Variants in UGT1A9 observed in about 807,000 individuals in gnomAD.
The protein encoded by UGT1A9 is UDP-glucuronosyltransferase 1A9.
Under a neutral mutation model 45.0 loss-of-function variants are expected in UGT1A9, and 35 were observed. That is an observed-to-expected ratio of 0.78 (90% CI 0.59 to 1.03). The LOEUF (loss-of-function observed/expected upper bound fraction) is 1.03, where lower values mean the gene tolerates loss of function less well. Ranked by LOEUF, UGT1A9 falls within the 50% of genes least tolerant of loss-of-function variation. UGT1A9 has a pLI of 0.00. For synonymous variants in UGT1A9, 278 were observed against 250.6 expected (o/e 1.11, Z -1.03); for missense variants, 687 against 666.6 (o/e 1.03, Z -0.34).
At chr2:233,752,428 G>C (rs538581016) in intron 1 of UGT1A9, 1 of 152,028 alleles carries the variant, frequency 6.6e-6, no homozygotes, top group African/African-American at 2.4e-5. Context: ...CTGATTTATC[G>C]AACCCTTTTA....
At chr2:233,693,730 T>C (rs1275166872) in intron 1 of UGT1A9, 1 of 1,614,242 alleles carries the variant, frequency 6.2e-7, no homozygotes, top group Admixed American at 1.7e-5. Flanking sequence ...GAGATGTGGA[T>C]ATAATCACCT....
intron 1 of UGT1A9, among the ~76,000 whole-genome samples, chr2:233,727,486 G>T (rs2077620182): frequency 6.6e-6 from 1 of 152,192 alleles, no homozygotes; most frequent in Non-Finnish European, 1.5e-5. Flanking sequence ...ACTACTTGGA[G>T]GTAGAACATG....
intron 1 of UGT1A9, among the ~76,000 whole-genome samples, chr2:233,702,442 T>C (rs2125589927): frequency 6.6e-6 from 1 of 152,304 alleles, no homozygotes; most frequent in Non-Finnish European, 1.5e-5. Context: ...CTAATAAGGA[T>C]AACATTTATT....
At chr2:233,674,238 A>G (rs1173538575) in intron 1 of UGT1A9, among the ~76,000 whole-genome samples, 1 of 152,166 alleles carries the variant, frequency 6.6e-6, no homozygotes, top group Non-Finnish European at 1.5e-5. Context: ...AAGTGAAATA[A>G]TGCTCTTTCT....
intron 1 of UGT1A9, among the ~76,000 whole-genome samples, chr2:233,746,316 G>A (rs1048806578): frequency 1.3e-5 from 2 of 151,828 alleles, no homozygotes; most frequent in Non-Finnish European, 2.9e-5. Flanking sequence ...GGGCCCTGTA[G>A]ATGATCTACA....
In UGT1A9 at chr2:233,772,609, C is replaced by T; in HGVS notation, c.*50C>T. On this transcript the variant is annotated 3_prime_UTR_variant, in exon 5 of 5. Transcript: ENST00000354728. The stretch of plus-strand genomic sequence containing the variant: ...ATTTTGAACCATTCCCTAGTCATTT[C>T]CAAACTTGAAAACAGAATCAGTGTT... 1 of 1,581,700 alleles carries T rather than the reference C, an allele frequency of 6.3e-7. No homozygotes were observed. Among genetic ancestry groups the T allele is most frequent in the Non-Finnish European group, 8.6e-7 (1 of 1,163,020 alleles).
chr2:233,747,484 G>C (rs796155377), intron 1 of UGT1A9: 4 of 1,608,658 alleles, frequency 2.5e-6, no homozygotes, highest in Middle Eastern at 1.7e-4. Flanking sequence ...GAATTTGATC[G>C]CCTTGTGCTG....
At chr2:233,768,775 G>A (rs577472067) in intron 4 of UGT1A9, among the ~76,000 whole-genome samples, 18 of 151,802 alleles carry the variant, frequency 1.2e-4, no homozygotes, top group Admixed American at 9.2e-4. Flanking sequence ...GTAGAGAAAG[G>A]GTTTCACCAT....
At chr2:233,761,128 C>T in intron 1 of UGT1A9, 1 of 1,614,190 alleles carries the variant, frequency 6.2e-7, no homozygotes, top group Non-Finnish European at 8.5e-7. Context: ...AATCAACTGC[C>T]TTCACCAAAA....
chr2:233,711,464 C>G (rs2076182225), intron 1 of UGT1A9, among the ~76,000 whole-genome samples: 1 of 152,182 alleles, frequency 6.6e-6, no homozygotes, highest in South Asian at 2.1e-4. Context: ...AGGAATAGTT[C>G]AGAGGCTGAG....
intron 1 of UGT1A9, among the ~76,000 whole-genome samples, chr2:233,746,215 A>C (rs1693328060): frequency 6.6e-6 from 1 of 151,878 alleles, no homozygotes; most frequent in South Asian, 2.1e-4. Flanking sequence ...CTCTAATAGC[A>C]AGGACAGATA....
intron 1 of UGT1A9, among the ~76,000 whole-genome samples, chr2:233,720,075 T>G (rs1197503417): frequency 1.3e-5 from 2 of 152,302 alleles, no homozygotes; most frequent in Middle Eastern, 3.4e-3. Context: ...ATTAGAATTG[T>G]GGACATGATA....
At chr2:233,721,692 C>T (rs77600287) in intron 1 of UGT1A9, 13,894 of 352,288 alleles carry the variant, frequency 0.039, 386 homozygotes, top group Non-Finnish European at 0.058. Context: ...CTCTGCAAGA[C>T]GCATGGCTCA....
chr2:233,729,482 A>G (rs2077866923), intron 1 of UGT1A9: 1 of 1,614,098 alleles, frequency 6.2e-7, no homozygotes, highest in Non-Finnish European at 8.5e-7. Flanking sequence ...ATGTTGAACA[A>G]TATGTCTTTG....
Position 233,755,239 on chromosome 2 carries a change from G to A in UGT1A9, c.856-11795G>A, listed in dbSNP as rs1377553031. On this transcript the variant is annotated intron_variant, in intron 1 of 4. Transcript: ENST00000354728. Reference sequence around the variant, plus strand: ...ATACCCTCGGACGAGGCCTACCGGGGTACTCCCAGCACCTCGTAGTAGTCC... The same window carrying A: ...ATACCCTCGGACGAGGCCTACCGGGATACTCCCAGCACCTCGTAGTAGTCC... 1.2e-5 allele frequency: 11 copies of A among 885,954 alleles called. No individual in the cohort carries two copies. In the South Asian group the frequency reaches 1.4e-4, roughly 11 times the overall value. The allele number at this position is 885,954 out of a possible 1,614,324, so 54.9% of individuals were successfully genotyped here.
At chr2:233,709,981 A>G (rs770684245) in intron 1 of UGT1A9, among the ~76,000 whole-genome samples, 8 of 152,180 alleles carry the variant, frequency 5.3e-5, no homozygotes, top group Non-Finnish European at 1.2e-4. Flanking sequence ...CTAGAGTTTC[A>G]TCTGAATGGA....
intron 1 of UGT1A9, among the ~76,000 whole-genome samples, chr2:233,757,568 A>ATATATATATATATATATATC (rs1696661304): frequency 7.0e-6 from 1 of 142,136 alleles, no homozygotes; most frequent in Non-Finnish European, 1.5e-5. Flanking sequence ...ATATGTATAT[A>ATATATATATATATATATATC]TGATATAGCT....
At chr2:233,681,859 G>T (rs1361939856) in intron 1 of UGT1A9, 1 of 1,528,202 alleles carries the variant, frequency 6.5e-7, no homozygotes, top group African/African-American at 1.4e-5. Context: ...TTGAGGGCAG[G>T]TTCTATCTGT....
At chr2:233,723,877 C>A (rs1300798569) in intron 1 of UGT1A9, among the ~76,000 whole-genome samples, 1 of 40,764 alleles carries the variant, frequency 2.5e-5, no homozygotes, top group East Asian at 4.6e-4. Flanking sequence ...GATCCCAAGG[C>A]AGAGGAATTT....
Sources: allele counts gnomAD v4.1 joint callset (sites outside exome capture counted in the v4.1 genomes callset), GRCh38; gene constraint gnomAD v4.1.1; transcripts MANE v1.5; gene names NCBI Gene and HGNC (gene_info 2026-07-23, HGNC 2026-07-21).